MRPS6: variants seen among roughly 807,000 people sequenced by gnomAD.
MRPS6 encodes the protein mitochondrial ribosomal protein S6.
In MRPS6, 6 loss-of-function variants were observed where a neutral mutation model predicts 13.1. That is an observed-to-expected ratio of 0.46 (90% CI 0.25 to 0.91). MRPS6 has a LOEUF of 0.91. Among genes scored for constraint, MRPS6 ranks in the 40% least tolerant of loss-of-function variants. The pLI is 0.18. For synonymous variants in MRPS6, 61 were observed against 56.5 expected, an observed-to-expected ratio of 1.08 and a Z score of -0.36; for missense variants, 164 against 155.6, an observed-to-expected ratio of 1.05 and a Z score of -0.29.
At chr21:34,108,685 A>C (rs1369354135) in intron 1 of MRPS6, among the ~76,000 whole-genome samples, 1 of 152,160 alleles carries the variant, frequency 6.6e-6, no homozygotes, top group Admixed American at 6.5e-5. Context: ...TAATTTTTGC[A>C]TGGATAGAGT....
intron 2 of MRPS6, among the ~76,000 whole-genome samples, chr21:34,132,331 A>C (rs1364606989): frequency 6.6e-6 from 1 of 152,094 alleles, no homozygotes; most frequent in East Asian, 1.9e-4. Flanking sequence ...GAGCCATGGG[A>C]GTGGAAGCAG....
Position 34,096,385 on chromosome 21 carries a change from A to C in MRPS6, c.45+22640A>C, listed in dbSNP as rs557966542. On this transcript the variant is annotated intron_variant, in intron 1 of 2. Transcript: ENST00000399312. The surrounding 1 kb of genome is among the most constrained non-coding windows in gnomAD (Gnocchi z 5.9). ...ACCATATTCACCCTCGATGTGTACA[A>C]ACTTATCCGCAAGAGCGCAAGCTCC... is the stretch of plus-strand genomic sequence containing the variant. 1.2e-4 allele frequency: 193 copies of C among 1,614,088 alleles called. No homozygotes were observed. The highest frequency in any genetic ancestry group is 1.6e-4 in the Non-Finnish European group (185 of 1,180,024).
At chr21:34,109,754 T>A (rs1211377728) in intron 1 of MRPS6, among the ~76,000 whole-genome samples, 1 of 152,178 alleles carries the variant, frequency 6.6e-6, no homozygotes, top group East Asian at 1.9e-4. Flanking sequence ...ACTTCCTTTC[T>A]TCCAGAATGT....
At chr21:34,110,458 C>T (rs375896142) in intron 1 of MRPS6, among the ~76,000 whole-genome samples, 14 of 151,060 alleles carry the variant, frequency 9.3e-5, no homozygotes, top group Middle Eastern at 3.4e-3. Flanking sequence ...CCAGCCTAGG[C>T]GGCAACAGAG....
chr21:34,111,873 TTC>T (rs1455016092), intron 1 of MRPS6, among the ~76,000 whole-genome samples: 2 of 152,020 alleles, frequency 1.3e-5, no homozygotes, highest in African/African-American at 2.4e-5. Context: ...TGCTGTATTG[TTC>T]CCCATATGCT....
At position 34,091,750 on chromosome 21, in the gene MRPS6, G is replaced by T. The variant is rs1168751792; in HGVS notation, c.45+18005G>T. ...TCTCTTTTGGGAAGAAGGGGAATCT[G>T]CTCTGTTTCAAAGCACCTTTGTGTT... On this transcript the variant is annotated intron_variant, in intron 1 of 2. Coordinates refer to ENST00000399312, the MANE Select transcript of MRPS6 (RefSeq NM_032476.4). Among the ~76,000 whole-genome samples, 4 of 152,260 alleles carry T rather than the reference G, an allele frequency of 2.6e-5. No homozygotes were observed. In the East Asian group the frequency reaches 7.7e-4, roughly 29 times the overall value.
chr21:34,076,481 T>C lies in MRPS6; in HGVS notation c.45+2736T>C, dbSNP rs150994351. 1.9e-3 allele frequency among the ~76,000 whole-genome samples: 282 copies of C among 152,302 alleles called. 3 individuals are homozygous for C. The highest frequency in any genetic ancestry group is 6.5e-3 in the African/African-American group (272 of 41,558). ...AGTTGTACAATTAGTCACCCAGAAATTCCAATACTATGTTTTTCTCAGTTT... is the reference window on the plus strand; with the variant it reads ...AGTTGTACAATTAGTCACCCAGAAACTCCAATACTATGTTTTTCTCAGTTT... On this transcript the variant is annotated intron_variant, in intron 1 of 2. Coordinates refer to ENST00000399312, the MANE Select transcript of MRPS6 (RefSeq NM_032476.4).
chr21:34,092,045 C>T (rs1978723440), intron 1 of MRPS6, among the ~76,000 whole-genome samples: 1 of 151,820 alleles, frequency 6.6e-6, no homozygotes, highest in Admixed American at 6.6e-5. Context: ...CATGTGTATT[C>T]TTATAAAAAT....
rs116897058 is a variant in MRPS6 at position 34,100,262 on chromosome 21, G to T, written c.46-25079G>T. On this transcript the variant is annotated intron_variant, in intron 1 of 2. Coordinates refer to ENST00000399312, the MANE Select transcript of MRPS6 (RefSeq NM_032476.4). The stretch of plus-strand genomic sequence containing the variant: ...TCTTCTCAGGCAATTTTCATCTCAA[G>T]ATCTGATGAGAAGGGCATATTACAT... 5.7e-3 allele frequency: 5,656 copies of T among 1,000,000 alleles called. 16 individuals carry two copies. Among genetic ancestry groups the T allele is most frequent in the Non-Finnish European group, 6.3e-3 (5,252 of 829,782 alleles). The allele number at this position is 1,000,000 out of a possible 1,614,324, so 61.9% of individuals were successfully genotyped here.
chr21:34,112,506 G>A (rs1979744269), intron 1 of MRPS6, among the ~76,000 whole-genome samples: 2 of 152,076 alleles, frequency 1.3e-5, no homozygotes, highest in Non-Finnish European at 2.9e-5. Context: ...TTTTAAAGTT[G>A]TGCAACCATC....
At chr21:34,085,665 G>A (rs1978335635) in intron 1 of MRPS6, among the ~76,000 whole-genome samples, 1 of 148,196 alleles carries the variant, frequency 6.7e-6, no homozygotes, top group Non-Finnish European at 1.5e-5. Flanking sequence ...CCAGTGGCGT[G>A]ATCTCGGCTC....
In MRPS6 at chr21:34,096,939, A is replaced by AC; in HGVS notation, c.45+23196dup. 6.2e-7 allele frequency: 1 copy of AC among 1,614,106 alleles called. No homozygotes were observed. Among genetic ancestry groups the AC allele is most frequent in the Non-Finnish European group, 8.5e-7 (1 of 1,179,976 alleles). On this transcript the variant is annotated intron_variant, in intron 1 of 2. Transcript: ENST00000399312. This position sits in a 1 kb window ranked among gnomAD's most constrained non-coding sequence, Gnocchi z 5.9. ...TCTGAGATGCAGTGAGAATAATGAGACCATCAACCACATCATTCCCAACGG... is the reference window on the plus strand; with the variant it reads ...TCTGAGATGCAGTGAGAATAATGAGACCCATCAACCACATCATTCCCAACGG...
intron 2 of MRPS6, among the ~76,000 whole-genome samples, chr21:34,139,120 G>A (rs562651040): frequency 9.0e-4 from 133 of 147,418 alleles, no homozygotes; most frequent in Non-Finnish European, 1.6e-3. Flanking sequence ...CTCACTCATA[G>A]GTGGGAATTG....
rs539202186 is a variant in MRPS6, at chr21:34,142,439, G to A, written c.217G>A (p.Ala73Thr). ...YFLVDFYAPT[A>T]AVESMVEHLS... ...CTTGGTGGATTTTTATGCACCCACC[G>A]CAGCTGTTGAAAGCATGGTGGAGCA... Residue 73 changes from alanine (A) to threonine (T), a missense_variant, in exon 3 of 3, where the codon GCA (alanine) becomes ACA (threonine). Transcript: ENST00000399312. 1.0e-4 allele frequency: 163 copies of A among 1,590,530 alleles called. No homozygotes were observed. Among genetic ancestry groups the A allele is most frequent in the Admixed American group, 1.3e-4 (7 of 54,732 alleles).
intron 1 of MRPS6, among the ~76,000 whole-genome samples, chr21:34,079,427 C>A (rs1270676720): frequency 1.3e-5 from 2 of 151,146 alleles, no homozygotes; most frequent in African/African-American, 2.4e-5. Flanking sequence ...CCCTTGATTT[C>A]TCCCTTCTTC....
At chr21:34,122,185 C>T (rs914072146) in intron 1 of MRPS6, 2 of 152,292 alleles carry the variant, frequency 1.3e-5, no homozygotes, top group Admixed American at 1.3e-4. Context: ...AATTACAGAT[C>T]TACCTTTAGC....
intron 1 of MRPS6, among the ~76,000 whole-genome samples, chr21:34,086,103 T>A (rs1008670926): frequency 2.6e-5 from 4 of 152,226 alleles, no homozygotes; most frequent in African/African-American, 9.6e-5. Flanking sequence ...CTTACCCCAC[T>A]CTTTACCTTT....
chr21:34,135,184 G>T, intron 2 of MRPS6, among the ~76,000 whole-genome samples: 1 of 152,072 alleles, frequency 6.6e-6, no homozygotes, highest in Admixed American at 6.6e-5. Flanking sequence ...GTTTGGGGTT[G>T]TTATAGGTAC....
intron 1 of MRPS6, chr21:34,097,513 C>A (rs558036682): frequency 2.2e-6 from 3 of 1,394,458 alleles, no homozygotes; most frequent in South Asian, 1.8e-5. Flanking sequence ...CTTTATTTTC[C>A]CAGAGATGGA....
Sources: allele counts gnomAD v4.1 joint callset (sites outside exome capture counted in the v4.1 genomes callset), GRCh38; gene constraint gnomAD v4.1.1; non-coding constraint Gnocchi (gnomAD v3.1); transcripts MANE v1.5; gene names NCBI Gene and HGNC (gene_info 2026-07-23, HGNC 2026-07-21).